Variants in TBCCD1 observed in about 807,000 individuals in gnomAD.
TBCCD1 encodes the protein TBCC domain-containing protein 1.
In TBCCD1, 26 loss-of-function variants were observed where a neutral mutation model predicts 53.4. The ratio of observed to expected loss-of-function variants is 0.49; its 90% confidence interval spans 0.36 to 0.68. The LOEUF (loss-of-function observed/expected upper bound fraction) is 0.68, where lower values mean the gene tolerates loss of function less well. Among genes scored for constraint, TBCCD1 ranks in the 30% least tolerant of loss-of-function variants. The pLI, the probability that TBCCD1 is intolerant of heterozygous loss-of-function variation, is 0.00. For missense variants in TBCCD1, 558 were observed against 669.5 expected, an observed-to-expected ratio of 0.83 and a Z score of 1.84; for synonymous variants, 245 against 241.7, an observed-to-expected ratio of 1.01 and a Z score of -0.13.
In TBCCD1 at chr3:186,551,238, A is replaced by C. The variant is rs765714618; in HGVS notation, c.1586T>G (p.Phe529Cys). 1 of 1,613,788 alleles carries C rather than the reference A, an allele frequency of 6.2e-7. No homozygotes were observed. The highest frequency in any genetic ancestry group is 8.5e-7 in the Non-Finnish European group (1 of 1,179,998). Residue 529 changes from phenylalanine to cysteine, a missense_variant, in exon 7 of 8, where the codon TTT becomes TGT. By Grantham distance (205) the Phe-to-Cys change is radical. Coordinates refer to ENST00000338733, the MANE Select transcript of TBCCD1 (RefSeq NM_018138.5). The part of the protein sequence containing the change: ...KQFQVLVENK[F>C]YEWLINTGHR... ...TCCTGTATTAATCAACCATTCATAA[A>C]ACTTGTTCTCTACCAGTACCTGGAA... is the stretch of plus-strand genomic sequence containing the variant.
chr3:186,566,040 T>C (rs2108466217), intron 1 of TBCCD1, among the ~76,000 whole-genome samples: 1 of 151,058 alleles, frequency 6.6e-6, no homozygotes, highest in East Asian at 1.9e-4. Context: ...TGTGCTTCTC[T>C]CTTTTTTTTT....
chr3:186,554,314 C>A lies in TBCCD1; in HGVS notation c.1484G>T (p.Gly495Val), dbSNP rs749247200. 1.2e-6 allele frequency: 2 copies of A among 1,614,084 alleles called. No homozygotes were observed. The highest frequency in any genetic ancestry group is 4.5e-5 in the East Asian group (2 of 44,904). Residue 495 changes from glycine (G) to valine (V), a missense_variant, in exon 6 of 8, where the codon GGT (glycine) becomes GTT (valine). By Grantham distance (109) the Gly-to-Val change is moderately radical. Transcript: ENST00000338733. ...GATCTGTATCTTCTGTTCTCTTTGA[C>A]CCAGTGCTTTCTGATATACAGATGG... ...GLPSVYQKAL[G>V]QREQKIQIWQ... is the part of the protein sequence containing the mutation.
Position 186,556,460 on chromosome 3 carries a change from C to T in TBCCD1, c.808G>A (p.Gly270Ser). 1.9e-6 allele frequency: 3 copies of T among 1,607,782 alleles called. No homozygotes were observed. Among genetic ancestry groups the T allele is most frequent in the Non-Finnish European group, 2.5e-6 (3 of 1,178,680 alleles). Reference sequence around the variant, plus strand: ...CCAGACTTGAGGCAAGCTGATGTACCAAATGGATTCCCAGTCAAACAGGAC... The same window carrying T: ...CCAGACTTGAGGCAAGCTGATGTACTAAATGGATTCCCAGTCAAACAGGAC... ...LRSCLTGNPF[G>S]TSACLKSGKK... The change falls in exon 4 of 8, where the codon GGT becomes AGT. Residue 270 changes from glycine to serine, a missense_variant. Transcript: ENST00000338733.
chr3:186,555,564 T>C (rs1449857332), intron 4 of TBCCD1, among the ~76,000 whole-genome samples: 7 of 152,152 alleles, frequency 4.6e-5, no homozygotes, highest in Non-Finnish European at 7.3e-5. Flanking sequence ...TGCCTTTTTT[T>C]CTTCTTTTTT....
In TBCCD1 at chr3:186,564,380, A is replaced by G; in HGVS notation, c.-43-8T>C. The G allele has an allele frequency of 6.6e-7, 1 of 1,506,964 alleles. No homozygotes were observed. Among genetic ancestry groups the G allele is most frequent in the Non-Finnish European group, 8.9e-7 (1 of 1,121,462 alleles). 93.3% of individuals were successfully genotyped at this position (1,506,964 alleles called of 1,614,324 possible). A position where few individuals can be genotyped will look rare whatever the true frequency, so the allele number is the denominator to read the frequency against. On this transcript the variant is annotated splice_region_variant and splice_polypyrimidine_tract_variant and intron_variant, in intron 1 of 7. Coordinates refer to ENST00000338733, the MANE Select transcript of TBCCD1 (RefSeq NM_018138.5). Reference sequence around the variant, plus strand: ...AAAGGCTTCTTTGCATACCTAGGAAACAAAGTTTCTTCATAAACTGATTTG... The same window carrying G: ...AAAGGCTTCTTTGCATACCTAGGAAGCAAAGTTTCTTCATAAACTGATTTG...
intron 2 of TBCCD1, among the ~76,000 whole-genome samples, chr3:186,560,835 G>T (rs1396237257): frequency 6.6e-6 from 1 of 152,188 alleles, no homozygotes; most frequent in Non-Finnish European, 1.5e-5. Context: ...CACATATATG[G>T]TCAACTAATT....
In TBCCD1 at chr3:186,566,766, G is replaced by C. The variant is rs115895314; in HGVS notation, c.-44+501C>G. On this transcript the variant is annotated intron_variant, in intron 1 of 7. Transcript: ENST00000338733. ...AAAAGAAGGGCGTGGAAGGGCAAAA[G>C]GCAGCTGTCTTCCAATGTGGAGAGA... Among the ~76,000 whole-genome samples, 263 of 152,344 alleles carry C rather than the reference G, an allele frequency of 1.7e-3. 2 individuals carry two copies. The highest frequency in any genetic ancestry group is 5.5e-3 in the African/African-American group (229 of 41,568).
chr3:186,564,322 T>G lies in TBCCD1; in HGVS notation c.8A>C (p.Gln3Pro), dbSNP rs777430585. The G allele has an allele frequency of 6.2e-7, 1 of 1,606,876 alleles. No homozygotes were observed. Among genetic ancestry groups the G allele is most frequent in the African/African-American group, 1.3e-5 (1 of 74,744 alleles). The change falls in exon 2 of 8, where the codon CAG becomes CCG. Residue 3 changes from glutamine to proline, a missense_variant. Coordinates refer to ENST00000338733, the MANE Select transcript of TBCCD1 (RefSeq NM_018138.5). ...TTTCACCCAGAGGAGAACTCTGGAC[T>G]GATCCATATTATCTCTAAGGACATC... MD[Q>P]SRVLLWVKAE...
intron 1 of TBCCD1, 26 bp from the exon 2 acceptor site, chr3:186,564,398 C>T: frequency 1.4e-6 from 2 of 1,453,686 alleles, no homozygotes; most frequent in Non-Finnish European, 9.3e-7. Flanking sequence ...TCTTCATAAA[C>T]TGATTTGAAA....
At chr3:186,555,874 A>T (rs77713756) in intron 4 of TBCCD1, among the ~76,000 whole-genome samples, 3,221 of 152,168 alleles carry the variant, frequency 0.021, 114 homozygotes, top group African/African-American at 0.073. Context: ...TTTACTCCTA[A>T]GATCATTACT....
At chr3:186,565,416 T>C (rs890448363) in intron 1 of TBCCD1, among the ~76,000 whole-genome samples, 1 of 152,194 alleles carries the variant, frequency 6.6e-6, no homozygotes, top group Non-Finnish European at 1.5e-5. Context: ...GGCCTCTTTG[T>C]CTTTTTTCTA....
intron 1 of TBCCD1, 49 bp from the exon 2 acceptor site, chr3:186,564,421 A>ATGCATTTT: frequency 7.6e-7 from 1 of 1,313,608 alleles, no homozygotes; most frequent in Non-Finnish European, 1.0e-6. Flanking sequence ...AGTCTCATTT[A>ATGCATTTT]TGCATTTTTT....
At chr3:186,568,627 G>A (rs189639997), upstream of TBCCD1, among the ~76,000 whole-genome samples, 256 of 152,306 alleles carry the variant, frequency 1.7e-3, no homozygotes, top group South Asian at 0.015. Flanking sequence ...GAGGCCGGGC[G>A]TGGTGGCTCA....
Position 186,551,160 on chromosome 3 carries a change from G to C in TBCCD1, c.1664C>G (p.Ala555Gly), listed in dbSNP as rs1714362277. 6.2e-7 allele frequency: 1 copy of C among 1,611,478 alleles called. No homozygotes were observed. Among genetic ancestry groups the C allele is most frequent in the Non-Finnish European group, 8.5e-7 (1 of 1,179,742 alleles). ...LVPPAAGSKQ[A>G]AG The stretch of plus-strand genomic sequence containing the variant: ...CTGCATGTAAGATCCTTATCCAGCT[G>C]CTTGTTTGGAGCCTGCTGCAGGGGG... Residue 555 changes from alanine (A) to glycine (G), a missense_variant, in exon 7 of 8, where the codon GCA becomes GGA. Physicochemically the swap from Ala to Gly is moderately conservative, Grantham distance 60. Coordinates refer to ENST00000338733, the MANE Select transcript of TBCCD1 (RefSeq NM_018138.5).
At chr3:186,569,977 T>C (rs73059407), upstream of TBCCD1, 4,334 of 599,408 alleles carry the variant, frequency 7.2e-3, 139 homozygotes, top group African/African-American at 0.07. Flanking sequence ...GCCTGCTTAC[T>C]ATACGCCCGA....
chr3:186,549,144 C>A (rs895216072), intron 7 of TBCCD1, among the ~76,000 whole-genome samples: 2 of 151,738 alleles, frequency 1.3e-5, no homozygotes, highest in Non-Finnish European at 2.9e-5. Flanking sequence ...AAAAATTAGC[C>A]GGGTGCGGTG....
At position 186,567,264 on chromosome 3, in the gene TBCCD1, TA is replaced by T. The variant is rs959856463; in HGVS notation, c.-44+2del. The stretch of plus-strand genomic sequence containing the variant: ...CTCCCCGGCGCACCCAGTGCGCGGT[TA>T]CCTGCTAATGCAGGCGCCGCTCCGC... On this transcript the variant is annotated splice_donor_variant, in intron 1 of 7. Transcript: ENST00000338733. LOFTEE classifies it low-confidence loss of function (5UTR_SPLICE). The T allele has an allele frequency of 2.0e-5, 3 of 152,386 alleles. No individual in the cohort carries two copies. The highest frequency in any genetic ancestry group is 4.4e-5 in the Non-Finnish European group (3 of 68,198). 9.4% of individuals were successfully genotyped at this position (152,386 alleles called of 1,614,324 possible).
Position 186,554,706 on chromosome 3 carries a change from G to T in TBCCD1, c.1092C>A (p.Gly364=), listed in dbSNP as rs750181644. 3.7e-6 allele frequency: 6 copies of T among 1,614,018 alleles called. No individual in the cohort carries two copies. The highest frequency in any genetic ancestry group is 8.5e-7 in the Non-Finnish European group (1 of 1,179,988). ...GGAGGTGAAGTGTAGTCCCTACAGG[G>T]CCCAAGACAAAGATGCTATTCCTGC... is the stretch of plus-strand genomic sequence containing the variant. ...EKCRNSIFVL[G]PVGTTLHLHS... is the part of the protein sequence containing the mutation. Residue 364 remains glycine, a synonymous_variant, in exon 6 of 8, where the codon GGC becomes GGA. Transcript: ENST00000338733.
rs536037982 is a variant in TBCCD1, at chr3:186,561,624, T to TA, written c.336+2369dup. Among the ~76,000 whole-genome samples, 42 of 152,056 alleles carry TA rather than the reference T, an allele frequency of 2.8e-4. No individual in the cohort carries two copies. In the South Asian group the frequency reaches 8.1e-3, roughly 29 times the overall value. On this transcript the variant is annotated intron_variant, in intron 2 of 7. Coordinates refer to ENST00000338733, the MANE Select transcript of TBCCD1 (RefSeq NM_018138.5). The stretch of plus-strand genomic sequence containing the variant: ...CTAACATGGTGAACCCCATCTCTAT[T>TA]AAAAAATACACAAAACTAGCCGGGC...
Sources: gnomAD v4.1 joint callset for allele counts (sites outside exome capture counted in the v4.1 genomes callset) on GRCh38, gnomAD v4.1.1 for gene constraint, MANE v1.5 for transcripts, NCBI Gene and HGNC (gene_info 2026-07-23, HGNC 2026-07-21) for gene names.